Variants in RSBN1L observed in about 807,000 individuals in gnomAD.
The protein encoded by RSBN1L is round spermatid basic protein 1 like, also known as lysine-specific demethylase RSBN1L.
In RSBN1L, 30 loss-of-function variants were observed where a neutral mutation model predicts 67.7. That is an observed-to-expected ratio of 0.44 (90% CI 0.33 to 0.60). The LOEUF is 0.60. Among genes scored for constraint, RSBN1L ranks in the 20% least tolerant of loss-of-function variants. RSBN1L has a pLI of 0.02. For missense variants in RSBN1L, 992 were observed against 1,031.7 expected (o/e 0.96, Z 0.53); for synonymous variants, 433 against 387.0 (o/e 1.12, Z -1.39).
intron 2 of RSBN1L, among the ~76,000 whole-genome samples, chr7:77,738,757 G>A (rs1456556805): frequency 6.6e-6 from 1 of 152,030 alleles, no homozygotes; most frequent in African/African-American, 2.4e-5. Context: ...AGACCAGCCT[G>A]GCCAAGTTGG....
intron 2 of RSBN1L, among the ~76,000 whole-genome samples, chr7:77,739,446 C>G (rs1471610540): frequency 2.0e-5 from 3 of 152,012 alleles, no homozygotes; most frequent in Non-Finnish European, 4.4e-5. Context: ...GGCGCAGTGT[C>G]TCACGCCTGT....
At chr7:77,711,997 A>T (rs1454244213) in intron 1 of RSBN1L, among the ~76,000 whole-genome samples, 1 of 152,156 alleles carries the variant, frequency 6.6e-6, no homozygotes. Context: ...CTGTAAAATA[A>T]GAGGTTTGAA....
intron 1 of RSBN1L, among the ~76,000 whole-genome samples, chr7:77,701,075 C>G (rs918406888): frequency 6.7e-6 from 1 of 149,720 alleles, no homozygotes; most frequent in African/African-American, 2.5e-5. Context: ...TCGCTTGAAC[C>G]CAGGAGGCGG....
intron 5 of RSBN1L, among the ~76,000 whole-genome samples, chr7:77,769,655 C>T (rs1419651725): frequency 1.3e-5 from 2 of 152,140 alleles, no homozygotes; most frequent in African/African-American, 4.8e-5. Flanking sequence ...TGGACTAAGA[C>T]ATTTGGAACT....
chr7:77,767,423 G>A (rs1791783669), intron 4 of RSBN1L, among the ~76,000 whole-genome samples: 1 of 151,864 alleles, frequency 6.6e-6, no homozygotes, highest in Non-Finnish European at 1.5e-5. Context: ...ATCCAGGCTG[G>A]AGGGCAGTGG....
At chr7:77,708,337 C>T (rs2081932095) in intron 1 of RSBN1L, among the ~76,000 whole-genome samples, 1 of 150,972 alleles carries the variant, frequency 6.6e-6, no homozygotes, top group African/African-American at 2.4e-5. Flanking sequence ...GATGGCATGG[C>T]AGTTGAAAGT....
At chr7:77,758,291 T>A (rs931030400) in intron 3 of RSBN1L, among the ~76,000 whole-genome samples, 1 of 152,196 alleles carries the variant, frequency 6.6e-6, no homozygotes, top group African/African-American at 2.4e-5. Context: ...TAGCTGGGAT[T>A]AGGCATGTGC....
chr7:77,705,155 A>G (rs1300631755), intron 1 of RSBN1L, among the ~76,000 whole-genome samples: 2 of 152,160 alleles, frequency 1.3e-5, no homozygotes, highest in African/African-American at 4.8e-5. Context: ...AGCTCTTGTT[A>G]AAAAATTATT....
intron 1 of RSBN1L, among the ~76,000 whole-genome samples, chr7:77,721,531 G>A (rs1285895645): frequency 6.6e-6 from 1 of 152,188 alleles, no homozygotes; most frequent in Admixed American, 6.5e-5. Flanking sequence ...GCATCAAGGA[G>A]TGCTTAGTGG....
intron 1 of RSBN1L, among the ~76,000 whole-genome samples, chr7:77,731,631 A>G (rs772609657): frequency 5.3e-5 from 8 of 152,068 alleles, no homozygotes; most frequent in Non-Finnish European, 1.0e-4. Flanking sequence ...TTTACCAAGT[A>G]TTTTCTTATA....
intron 2 of RSBN1L, among the ~76,000 whole-genome samples, chr7:77,737,741 G>T (rs1428256129): frequency 6.6e-6 from 1 of 152,180 alleles, no homozygotes; most frequent in Non-Finnish European, 1.5e-5. Flanking sequence ...GTCTGCTTAA[G>T]GCCAGGTTCG....
chr7:77,715,811 ATAGTAG>A (rs1375622337), intron 1 of RSBN1L, among the ~76,000 whole-genome samples: 1 of 152,200 alleles, frequency 6.6e-6, no homozygotes, highest in Non-Finnish European at 1.5e-5. Context: ...TAGTAGTTGC[ATAGTAG>A]TAGTTCATTG....
chr7:77,731,527 T>C (rs1044543310), intron 1 of RSBN1L, among the ~76,000 whole-genome samples: 2 of 152,230 alleles, frequency 1.3e-5, no homozygotes, highest in Non-Finnish European at 2.9e-5. Flanking sequence ...TGAGCTACTG[T>C]GCCCAGCCTG....
intron 1 of RSBN1L, among the ~76,000 whole-genome samples, chr7:77,733,508 T>C (rs970831029): frequency 6.6e-6 from 1 of 152,220 alleles, no homozygotes; most frequent in African/African-American, 2.4e-5. Flanking sequence ...TTCCTTTTCC[T>C]GTGTTATGAA....
At chr7:77,761,079 A>G (rs145671217) in intron 3 of RSBN1L, among the ~76,000 whole-genome samples, 1 of 152,368 alleles carries the variant, frequency 6.6e-6, no homozygotes, top group East Asian at 1.9e-4. Context: ...GGTTTTCCAG[A>G]TAGGCTATTT....
At chr7:77,756,836 T>A (rs970158011) in intron 3 of RSBN1L, among the ~76,000 whole-genome samples, 1 of 152,154 alleles carries the variant, frequency 6.6e-6, no homozygotes, top group Non-Finnish European at 1.5e-5. Flanking sequence ...AGTAGCACCA[T>A]TTTTAATCGA....
intron 2 of RSBN1L, among the ~76,000 whole-genome samples, chr7:77,745,257 C>T (rs1238136969): frequency 2.1e-5 from 3 of 145,444 alleles, no homozygotes; most frequent in Admixed American, 6.9e-5. Flanking sequence ...AGCAAAACTC[C>T]GTCTCAAAAA....
chr7:77,758,928 A>C (rs1448243581), intron 3 of RSBN1L, among the ~76,000 whole-genome samples: 1 of 152,184 alleles, frequency 6.6e-6, no homozygotes, highest in East Asian at 1.9e-4. Context: ...AAACTGGAGT[A>C]GTTGTTTTCT....
chr7:77,698,295 T>C (rs934637887), intron 1 of RSBN1L, among the ~76,000 whole-genome samples: 4 of 152,158 alleles, frequency 2.6e-5, no homozygotes, highest in African/African-American at 9.7e-5. Flanking sequence ...TCTAGGAAAG[T>C]GGTTTTGAGG....
Sources: gnomAD v4.1 joint callset for allele counts (sites outside exome capture counted in the v4.1 genomes callset) on GRCh38, gnomAD v4.1.1 for gene constraint, MANE v1.5 for transcripts, NCBI Gene and HGNC (gene_info 2026-07-23, HGNC 2026-07-21) for gene names.